Variants in LRRTM4 observed in about 807,000 individuals in gnomAD.
The protein encoded by LRRTM4 is leucine-rich repeat transmembrane neuronal protein 4.
LRRTM4 carries 25 observed loss-of-function variants against 47.6 expected under a neutral mutation model. That is an observed-to-expected ratio of 0.53 (90% CI 0.38 to 0.73). The LOEUF (loss-of-function observed/expected upper bound fraction) is 0.73. Ranked by LOEUF, LRRTM4 falls within the 30% of genes least tolerant of loss-of-function variation. LRRTM4 has a pLI of 0.00. For synonymous variants in LRRTM4, 311 were observed against 269.5 expected, an observed-to-expected ratio of 1.15 and a Z score of -1.51; for missense variants, 638 against 713.4, an observed-to-expected ratio of 0.89 and a Z score of 1.20.
chr2:76,908,533 A>C (rs1342746508), intron 3 of LRRTM4, among the ~76,000 whole-genome samples: 5 of 151,838 alleles, frequency 3.3e-5, no homozygotes, highest in Non-Finnish European at 7.4e-5. Context: ...TATTCAATTA[A>C]GAAAAGAGGA....
chr2:76,998,773 T>C (rs537938063), intron 3 of LRRTM4, among the ~76,000 whole-genome samples: 2 of 151,632 alleles, frequency 1.3e-5, no homozygotes, highest in African/African-American at 4.8e-5. Context: ...TTTTCTGTTT[T>C]TTTTTTTTTT....
intron 3 of LRRTM4, among the ~76,000 whole-genome samples, chr2:77,463,576 C>A (rs561903723): frequency 2.0e-5 from 3 of 152,146 alleles, no homozygotes; most frequent in East Asian, 3.9e-4. Context: ...AAAAAACCCA[C>A]TAGAGAATAG....
At chr2:77,068,489 C>T (rs1018067756) in intron 3 of LRRTM4, among the ~76,000 whole-genome samples, 1 of 152,166 alleles carries the variant, frequency 6.6e-6, no homozygotes, top group African/African-American at 2.4e-5. Context: ...CCCTGACAAC[C>T]ATGAATCTCC....
intron 3 of LRRTM4, among the ~76,000 whole-genome samples, chr2:77,105,045 A>T (rs1166342610): frequency 7.2e-6 from 1 of 138,324 alleles, no homozygotes; most frequent in African/African-American, 2.8e-5. Context: ...TAACTAAAAA[A>T]ATGAAAATAA....
intron 3 of LRRTM4, among the ~76,000 whole-genome samples, chr2:76,835,505 G>A (rs1254937241): frequency 6.6e-6 from 1 of 152,042 alleles, no homozygotes; most frequent in Non-Finnish European, 1.5e-5. Flanking sequence ...TTCTGACTAA[G>A]AAATGTCATT....
At chr2:77,502,502 A>G (rs1386448134) in intron 3 of LRRTM4, among the ~76,000 whole-genome samples, 1 of 151,690 alleles carries the variant, frequency 6.6e-6, no homozygotes, top group Non-Finnish European at 1.5e-5. Flanking sequence ...AGATTTTCAA[A>G]GAAGATATGT....
At chr2:77,122,108 C>A (rs1437896941) in intron 3 of LRRTM4, among the ~76,000 whole-genome samples, 11 of 151,766 alleles carry the variant, frequency 7.2e-5, no homozygotes, top group Admixed American at 4.6e-4. Flanking sequence ...TAGAAAACTT[C>A]TTTTAACAAC....
chr2:77,350,228 AG>A (rs1671710850), intron 3 of LRRTM4, among the ~76,000 whole-genome samples: 2 of 147,564 alleles, frequency 1.4e-5, no homozygotes, highest in African/African-American at 2.5e-5. Flanking sequence ...CGGGAGGCTG[AG>A]GCAGGAGAAT....
intron 3 of LRRTM4, among the ~76,000 whole-genome samples, chr2:77,457,452 A>T (rs1323473740): frequency 6.6e-6 from 1 of 152,042 alleles, no homozygotes; most frequent in Non-Finnish European, 1.5e-5. Context: ...CACTTCTCAG[A>T]TGGGCTACAA....
chr2:77,113,890 C>T lies in LRRTM4; in HGVS notation c.1552-364974G>A, dbSNP rs1176901346. ...AAAGGTTTGAAGAGGGAAGAATTAG[C>T]ATATATATGGCCCAGGGCTGTCCTA... is the stretch of plus-strand genomic sequence containing the variant. On this transcript the variant is annotated intron_variant, in intron 3 of 3. Coordinates refer to ENST00000409884, the MANE Select transcript of LRRTM4 (RefSeq NM_001134745.3). Among the ~76,000 whole-genome samples the T allele has an allele frequency of 2.6e-5, 4 of 152,076 alleles. No individual in the cohort carries two copies. The East Asian group carries it at 7.7e-4, about 29-fold the overall frequency.
Position 77,476,861 on chromosome 2 carries a change from T to C in LRRTM4, c.1551+41457A>G, listed in dbSNP as rs111798060. Among the ~76,000 whole-genome samples, 423 of 152,278 alleles carry C rather than the reference T, an allele frequency of 2.8e-3. 2 individuals are homozygous for C. The highest frequency in any genetic ancestry group is 9.4e-3 in the African/African-American group (392 of 41,570). On this transcript the variant is annotated intron_variant, in intron 3 of 3. Coordinates refer to ENST00000409884, the MANE Select transcript of LRRTM4 (RefSeq NM_001134745.3). The stretch of plus-strand genomic sequence containing the variant: ...TAAGGAGTTAAGTTAAAATTAATTC[T>C]CTTTATTTTTCCTCAAGTACATTAT...
chr2:77,063,574 A>AT (rs371479600), intron 3 of LRRTM4, among the ~76,000 whole-genome samples: 2 of 151,876 alleles, frequency 1.3e-5, no homozygotes, highest in Non-Finnish European at 2.9e-5. Context: ...TCAAATTAGC[A>AT]TTTTTATCCA....
intron 3 of LRRTM4, among the ~76,000 whole-genome samples, chr2:77,357,316 T>C (rs1432404308): frequency 6.6e-6 from 1 of 152,166 alleles, no homozygotes. Flanking sequence ...AAATGAGTTA[T>C]GATGATCCTG....
chr2:77,452,721 A>G (rs1676307724), intron 3 of LRRTM4, among the ~76,000 whole-genome samples: 1 of 152,172 alleles, frequency 6.6e-6, no homozygotes, highest in African/African-American at 2.4e-5. Flanking sequence ...CCTGCAAATT[A>G]TGTAGTTAAT....
intron 3 of LRRTM4, among the ~76,000 whole-genome samples, chr2:76,897,037 A>C (rs1301120808): frequency 6.6e-6 from 1 of 151,946 alleles, no homozygotes; most frequent in Admixed American, 6.6e-5. Flanking sequence ...CATACTTTGT[A>C]AGACGGACAC....
At chr2:77,111,328 A>G (rs1385458956) in intron 3 of LRRTM4, among the ~76,000 whole-genome samples, 2 of 142,376 alleles carry the variant, frequency 1.4e-5, no homozygotes, top group Non-Finnish European at 1.5e-5. Flanking sequence ...CAGGGTTTCA[A>G]TTGTTGGCCA....
At chr2:77,047,505 G>A (rs577892383) in intron 3 of LRRTM4, among the ~76,000 whole-genome samples, 12 of 151,916 alleles carry the variant, frequency 7.9e-5, no homozygotes, top group Non-Finnish European at 1.8e-4. Flanking sequence ...CACTTCCGGT[G>A]GTTTGCTAGC....
chr2:77,383,023 C>T (rs1441162867), intron 3 of LRRTM4, among the ~76,000 whole-genome samples: 1 of 151,906 alleles, frequency 6.6e-6, no homozygotes, highest in African/African-American at 2.4e-5. Flanking sequence ...AAAAATTCCC[C>T]CAGTTTCTCA....
rs771778628 is a variant in LRRTM4 at position 77,519,639 on chromosome 2, T to C, written c.230A>G (p.Lys77Arg). 4 of 1,613,494 alleles carry C rather than the reference T, an allele frequency of 2.5e-6. No individual in the cohort carries two copies. Among genetic ancestry groups the C allele is most frequent in the Non-Finnish European group, 3.4e-6 (4 of 1,179,622 alleles). ...GTTAAGGCCGGCAAACTGATTGGATTTGAGCTTCTGAATGCTGTTGAACCT... is the reference window on the plus strand; with the variant it reads ...GTTAAGGCCGGCAAACTGATTGGATCTGAGCTTCTGAATGCTGTTGAACCT... ...SLRFNSIQKL[K>R]SNQFAGLNQL... Residue 77 changes from lysine to arginine, a missense_variant, in exon 3 of 4, where the codon AAA becomes AGA. By Grantham distance (26) the Lys-to-Arg change is conservative. Coordinates refer to ENST00000409884, the MANE Select transcript of LRRTM4 (RefSeq NM_001134745.3). The surrounding 1 kb of genome is among the most constrained non-coding windows in gnomAD (Gnocchi z 4.6).
Sources: allele counts gnomAD v4.1 joint callset (sites outside exome capture counted in the v4.1 genomes callset), GRCh38; gene constraint gnomAD v4.1.1; non-coding constraint Gnocchi (gnomAD v3.1); transcripts MANE v1.5; gene names NCBI Gene and HGNC (gene_info 2026-07-23, HGNC 2026-07-21).